SHANK2: variants seen among roughly 807,000 people sequenced by gnomAD.
SHANK2 encodes SH3 and multiple ankyrin repeat domains 2.
SHANK2 carries 43 observed loss-of-function variants against 133.7 expected under a neutral mutation model. The observed-to-expected ratio is 0.32, with a 90% CI of 0.25 to 0.41. The LOEUF (loss-of-function observed/expected upper bound fraction) is 0.41. SHANK2 is among the 10% of genes least tolerant of loss of function. SHANK2 has a pLI of 1.00. For missense variants in SHANK2, 1,994 were observed against 2,235.8 expected, an observed-to-expected ratio of 0.89 and a Z score of 2.18; for synonymous variants, 1,017 against 952.8, an observed-to-expected ratio of 1.07 and a Z score of -1.24.
rs1565401416 is a variant in SHANK2 at position 70,912,112 on chromosome 11, AAAAG to A, written c.1108-15549_1108-15546del. ...AAAAAAAAAAAAAAAAAAAAAAAAA[AAAAG>A]AAAGAAAGAAAGAAAGAAAAGAGAA... On this transcript the variant is annotated intron_variant, in intron 10 of 25. Coordinates refer to ENST00000601538, the MANE Select transcript of SHANK2 (RefSeq NM_012309.5). Among the ~76,000 whole-genome samples, 64 of 115,080 alleles carry A rather than the reference AAAAG, an allele frequency of 5.6e-4. 1 individual carries two copies. Among genetic ancestry groups the A allele is most frequent in the South Asian group, 1.2e-3 (4 of 3,228 alleles). 75.5% of individuals were successfully genotyped at this position (115,080 alleles called of 152,430 possible). A position where few individuals can be genotyped will look rare whatever the true frequency, so the allele number is the denominator to read the frequency against.
Position 70,807,253 on chromosome 11 carries a change from A to G in SHANK2, c.1494-82T>C. On this transcript the variant is annotated intron_variant, in intron 12 of 25. Transcript: ENST00000601538. This position sits in a 1 kb window ranked among gnomAD's most constrained non-coding sequence, Gnocchi z 4.8. ...ACATGCCACAAACCACAGCCAAGCC[A>G]TTCAACGCATGCTGCGCCTCGGCTG... 2.9e-6 allele frequency: 2 copies of G among 680,338 alleles called. No homozygotes were observed. The highest frequency in any genetic ancestry group is 3.2e-5 in the South Asian group (2 of 62,688). 42.1% of individuals were successfully genotyped at this position (680,338 alleles called of 1,614,324 possible).
At chr11:70,842,684 C>T (rs1324389208) in intron 11 of SHANK2, among the ~76,000 whole-genome samples, 2 of 152,172 alleles carry the variant, frequency 1.3e-5, no homozygotes, top group East Asian at 1.9e-4. Flanking sequence ...CTGGGATTCT[C>T]GTGCAGCTTA....
At chr11:70,639,925 G>A (rs1460850577) in intron 17 of SHANK2, among the ~76,000 whole-genome samples, 2 of 152,206 alleles carry the variant, frequency 1.3e-5, no homozygotes, top group African/African-American at 4.8e-5. Context: ...CCAAGGAAGG[G>A]GCTAGGTCTC....
At chr11:71,200,220 G>A (rs544795788) in intron 2 of SHANK2, among the ~76,000 whole-genome samples, 1 of 152,234 alleles carries the variant, frequency 6.6e-6, no homozygotes, top group Admixed American at 6.5e-5. Context: ...CACATCATAC[G>A]TGGCCTCTGT....
At chr11:71,065,929 TGGTGG>T (rs1951050042) in intron 9 of SHANK2, among the ~76,000 whole-genome samples, 3 of 21,458 alleles carry the variant, frequency 1.4e-4, no homozygotes, top group Admixed American at 6.7e-4. Flanking sequence ...GTGGGGAAGT[TGGTGG>T]GGGCGGGGTA....
chr11:71,135,700 C>T (rs1156972439), intron 3 of SHANK2, among the ~76,000 whole-genome samples: 1 of 152,094 alleles, frequency 6.6e-6, no homozygotes, highest in African/African-American at 2.4e-5. Flanking sequence ...AGGTGATCCA[C>T]CTGCCTCAGC....
intron 15 of SHANK2, among the ~76,000 whole-genome samples, chr11:70,685,250 G>C (rs1268275085): frequency 6.6e-6 from 1 of 152,078 alleles, no homozygotes; most frequent in African/African-American, 2.4e-5. Context: ...ATCTGCTTTT[G>C]AACTCGCTTT....
At chr11:70,839,842 T>G (rs781831265) in intron 11 of SHANK2, among the ~76,000 whole-genome samples, 5 of 152,200 alleles carry the variant, frequency 3.3e-5, no homozygotes, top group Non-Finnish European at 7.3e-5. Flanking sequence ...TGGGAACTAA[T>G]TAAGGCTCAG....
intron 7 of SHANK2, among the ~76,000 whole-genome samples, chr11:71,093,126 A>G (rs111731954): frequency 2.4e-4 from 36 of 151,350 alleles, no homozygotes; most frequent in African/African-American, 8.7e-4. Context: ...CCAGAAATGC[A>G]GGGCAGGCTG....
At chr11:71,151,915 C>T (rs1952805810) in intron 2 of SHANK2, among the ~76,000 whole-genome samples, 1 of 151,996 alleles carries the variant, frequency 6.6e-6, no homozygotes, top group South Asian at 2.1e-4. Context: ...CGCAGACGCC[C>T]ACAAGAGCAG....
intron 17 of SHANK2, among the ~76,000 whole-genome samples, chr11:70,600,234 C>T (rs1196170451): frequency 1.3e-5 from 2 of 151,848 alleles, no homozygotes; most frequent in Non-Finnish European, 2.9e-5. Flanking sequence ...ACCTGAACAA[C>T]ATGGCGAAAC....
intron 9 of SHANK2, among the ~76,000 whole-genome samples, chr11:71,060,333 G>T (rs957976302): frequency 6.6e-6 from 1 of 152,186 alleles, no homozygotes; most frequent in Non-Finnish European, 1.5e-5. Context: ...GGCTCCAAAT[G>T]TTACTGATGA....
chr11:70,540,366 A>G (rs549458302), intron 17 of SHANK2, among the ~76,000 whole-genome samples: 17 of 113,368 alleles, frequency 1.5e-4, no homozygotes, highest in Non-Finnish European at 2.8e-4. Context: ...AAACCCAGGC[A>G]GGCTGGGGCC....
At chr11:70,879,697 C>G (rs1949627274) in intron 11 of SHANK2, among the ~76,000 whole-genome samples, 1 of 152,252 alleles carries the variant, frequency 6.6e-6, no homozygotes, top group Non-Finnish European at 1.5e-5. Context: ...TCCCTTGCCC[C>G]AAAGGCCATG....
intron 9 of SHANK2, among the ~76,000 whole-genome samples, chr11:71,061,714 G>A (rs974066322): frequency 5.3e-5 from 8 of 152,082 alleles, no homozygotes; most frequent in Non-Finnish European, 8.8e-5. Flanking sequence ...GGGTGTCACC[G>A]GGAACCTGGG....
chr11:70,639,978 G>A (rs949912045), intron 17 of SHANK2, among the ~76,000 whole-genome samples: 7 of 152,216 alleles, frequency 4.6e-5, no homozygotes, highest in South Asian at 2.1e-4. Context: ...CCACAGGCCC[G>A]TCTGGGGCTC....
intron 9 of SHANK2, among the ~76,000 whole-genome samples, chr11:71,060,608 T>C (rs1950976152): frequency 6.6e-6 from 1 of 152,194 alleles, no homozygotes; most frequent in Non-Finnish European, 1.5e-5. Context: ...CCTCTCACTA[T>C]GAGGACCATG....
At chr11:70,688,355 A>C (rs1459001190) in intron 15 of SHANK2, among the ~76,000 whole-genome samples, 3 of 152,162 alleles carry the variant, frequency 2.0e-5, no homozygotes, top group African/African-American at 4.8e-5. Flanking sequence ...CAGGTGCTTG[A>C]CGTCATAAAA....
chr11:70,583,995 G>A (rs1554986106), intron 17 of SHANK2, among the ~76,000 whole-genome samples: 3 of 152,132 alleles, frequency 2.0e-5, no homozygotes, highest in Non-Finnish European at 2.9e-5. Flanking sequence ...GGCATGGCCT[G>A]ACCACCGTGC....
Sources: gnomAD v4.1 joint callset for allele counts (sites outside exome capture counted in the v4.1 genomes callset) on GRCh38, gnomAD v4.1.1 for gene constraint, Gnocchi (gnomAD v3.1) non-coding constraint, MANE v1.5 for transcripts, NCBI Gene and HGNC (gene_info 2026-07-23, HGNC 2026-07-21) for gene names.